Variants in MS4A1 observed in about 807,000 individuals in gnomAD.
MS4A1 encodes membrane spanning 4-domains A1, also known as B-lymphocyte antigen CD20.
In MS4A1, 16 loss-of-function variants were observed where a neutral mutation model predicts 26.5. The ratio of observed to expected loss-of-function variants is 0.60; its 90% confidence interval spans 0.41 to 0.92. MS4A1 has a LOEUF of 0.92. Among genes scored for constraint, MS4A1 ranks in the 40% least tolerant of loss-of-function variants. The pLI is 0.00. For missense variants in MS4A1, 350 were observed against 353.0 expected, an observed-to-expected ratio of 0.99 and a Z score of 0.07; for synonymous variants, 128 against 117.6, an observed-to-expected ratio of 1.09 and a Z score of -0.57.
chr11:60,462,977 A>G (rs566569344), intron 3 of MS4A1, 25 bp from the exon 4 acceptor site: 2 of 1,612,432 alleles, frequency 1.2e-6, no homozygotes, highest in East Asian at 2.2e-5. Context: ...CAGCTCATCC[A>G]CTGCTGCCTC....
intron 6 of MS4A1, 101 bp from the exon 7 acceptor site, chr11:60,466,858 T>C (rs1020600001): frequency 8.9e-7 from 1 of 1,118,620 alleles, no homozygotes; most frequent in African/African-American, 1.5e-5. Flanking sequence ...AGAATTGATC[T>C]CTTAATCGTT....
At chr11:60,468,201 GGT>G in intron 7 of MS4A1, 47 bp from the exon 8 acceptor site, 1 of 1,352,762 alleles carries the variant, frequency 7.4e-7, no homozygotes, top group East Asian at 2.4e-5. Context: ...TGTTGACAAA[GGT>G]GTCAGTGGTA....
chr11:60,466,142 A>G lies in MS4A1; in HGVS notation c.558A>G (p.Ile186Met), dbSNP rs1300916320. The change falls in exon 6 of 8, where the codon ATA becomes ATG. Residue 186 changes from isoleucine to methionine, a missense_variant. Coordinates refer to ENST00000345732, the MANE Select transcript of MS4A1 (RefSeq NM_152866.3). ...CATCTACCCAATACTGTTACAGCAT[A>G]CAATCTCTGTTCTTGGTAAGTGTTC... is the stretch of plus-strand genomic sequence containing the variant. The part of the protein sequence containing the change: ...NSPSTQYCYS[I>M]QSLFLGILSV... 8.1e-6 allele frequency: 13 copies of G among 1,609,606 alleles called. No individual in the cohort carries two copies. The highest frequency in any genetic ancestry group is 1.0e-5 in the Non-Finnish European group (12 of 1,176,050).
chr11:60,459,179 T>C (rs4939363), intron 1 of MS4A1, among the ~76,000 whole-genome samples: 104,031 of 152,194 alleles, frequency 0.68, 36,225 homozygotes, highest in African/African-American at 0.83. Flanking sequence ...GACCTTTGCA[T>C]TTTAAGTTAT....
intron 4 of MS4A1, chr11:60,463,900 T>C (rs914884456): frequency 1.5e-5 from 6 of 401,644 alleles, no homozygotes; most frequent in African/African-American, 1.2e-4. Context: ...ATCAGAGTCA[T>C]TTATGTCACT....
chr11:60,459,971 C>T (rs1590843170), intron 1 of MS4A1, among the ~76,000 whole-genome samples: 1 of 152,084 alleles, frequency 6.6e-6, no homozygotes, highest in Non-Finnish European at 1.5e-5. Flanking sequence ...ACAGGCTGGG[C>T]ATGGTGGCTC....
intron 1 of MS4A1, among the ~76,000 whole-genome samples, chr11:60,460,048 C>A (rs2086235598): frequency 6.6e-6 from 1 of 151,966 alleles, no homozygotes; most frequent in Non-Finnish European, 1.5e-5. Context: ...GAGTTCAAGA[C>A]CAGCCTGGGC....
chr11:60,462,853 A>G, intron 3 of MS4A1, 149 bp from the exon 4 acceptor site: 2 of 1,270,582 alleles, frequency 1.6e-6, no homozygotes, highest in South Asian at 1.2e-5. Flanking sequence ...AGATTCGAAC[A>G]AGAAAAAGAC....
intron 2 of MS4A1, among the ~76,000 whole-genome samples, chr11:60,461,552 CT>C (rs957854983): frequency 6.6e-6 from 1 of 151,684 alleles, no homozygotes; most frequent in African/African-American, 2.4e-5. Flanking sequence ...CCGAGTCTCA[CT>C]CTGTTACCCA....
intron 6 of MS4A1, 172 bp from the exon 7 acceptor site, chr11:60,466,787 G>A (rs1202478311): frequency 1.6e-5 from 11 of 683,804 alleles, no homozygotes; most frequent in African/African-American, 1.1e-4. Context: ...TTAAGAGTTA[G>A]GGTTATAAAG....
At chr11:60,456,777 T>G (rs530606079) in intron 1 of MS4A1, among the ~76,000 whole-genome samples, 2 of 152,136 alleles carry the variant, frequency 1.3e-5, no homozygotes, top group African/African-American at 2.4e-5. Flanking sequence ...GTGAGCATTT[T>G]TGTGTGTGTG....
intron 4 of MS4A1, chr11:60,463,627 G>A: frequency 2.9e-6 from 1 of 342,516 alleles, no homozygotes; most frequent in East Asian, 7.6e-5. Context: ...CCCTGTCTGG[G>A]TGTGGCACAT....
At chr11:60,465,872 T>G (rs781092191) in intron 5 of MS4A1, 49 bp from the exon 6 acceptor site, 1 of 1,459,524 alleles carries the variant, frequency 6.9e-7, no homozygotes, top group Non-Finnish European at 9.6e-7. Flanking sequence ...AGATTATGTT[T>G]TCCAAAGGGA....
chr11:60,466,270 C>A, intron 6 of MS4A1, 113 bp downstream of exon 6: 1 of 891,746 alleles, frequency 1.1e-6, no homozygotes, highest in Non-Finnish European at 1.9e-6. Flanking sequence ...TAGTTACTGT[C>A]TGTGTGGCTT....
chr11:60,459,785 C>T (rs1056812374), intron 1 of MS4A1, among the ~76,000 whole-genome samples: 12 of 152,066 alleles, frequency 7.9e-5, no homozygotes, highest in African/African-American at 2.9e-4. Flanking sequence ...CTAGCCCATG[C>T]GCCAGACAGA....
rs2086323494 is a variant in MS4A1 at position 60,469,224 on chromosome 11, A to C, written c.*756A>C. Reference sequence around the variant, plus strand: ...ACCATGAGGTGCCCAAATTTCAAATAATAATTAACATTTAGTTATATTTAT... The same window carrying C: ...ACCATGAGGTGCCCAAATTTCAAATCATAATTAACATTTAGTTATATTTAT... On this transcript the variant is annotated 3_prime_UTR_variant, in exon 8 of 8. Transcript: ENST00000345732. 1 of 152,192 alleles carries C rather than the reference A, an allele frequency of 6.6e-6. No individual in the cohort carries two copies. 9.4% of individuals were successfully genotyped at this position (152,192 alleles called of 1,614,324 possible).
chr11:60,456,393 CA>C (rs1565192406), intron 1 of MS4A1, among the ~76,000 whole-genome samples: 1 of 152,066 alleles, frequency 6.6e-6, no homozygotes. Flanking sequence ...TTCCCAATAC[CA>C]AATGAGAAAA....
intron 1 of MS4A1, 96 bp from the exon 2 acceptor site, chr11:60,460,976 C>T (rs1408248864): frequency 6.6e-6 from 1 of 151,756 alleles, no homozygotes; most frequent in Non-Finnish European, 1.5e-5. Flanking sequence ...AGAATAGCAA[C>T]AAAAATAACT....
chr11:60,467,139 C>A (rs2086298935), intron 7 of MS4A1, 79 bp downstream of exon 7: 1 of 1,221,694 alleles, frequency 8.2e-7, no homozygotes, highest in Non-Finnish European at 1.2e-6. Flanking sequence ...AGAATGTAAT[C>A]TGATGAGTTG....
Sources: allele counts gnomAD v4.1 joint callset (sites outside exome capture counted in the v4.1 genomes callset), GRCh38; gene constraint gnomAD v4.1.1; transcripts MANE v1.5; gene names NCBI Gene and HGNC (gene_info 2026-07-23, HGNC 2026-07-21).